Variants in TPH2 observed in about 807,000 individuals in gnomAD.
TPH2 encodes tryptophan 5-hydroxylase 2.
Under a neutral mutation model 59.1 loss-of-function variants are expected in TPH2, and 27 were observed. The observed-to-expected ratio is 0.46, with a 90% CI of 0.34 to 0.63. The LOEUF is 0.63. Ranked by LOEUF, TPH2 falls within the 30% of genes least tolerant of loss-of-function variation. TPH2 has a pLI of 0.01. For synonymous variants in TPH2, 220 were observed against 210.5 expected, an observed-to-expected ratio of 1.05 and a Z score of -0.39; for missense variants, 523 against 588.3, an observed-to-expected ratio of 0.89 and a Z score of 1.15.
chr12:72,023,690 A>G (rs1282696706), intron 9 of TPH2, among the ~76,000 whole-genome samples: 1 of 151,860 alleles, frequency 6.6e-6, no homozygotes, highest in Non-Finnish European at 1.5e-5. Context: ...TTAGCTAGGC[A>G]TGATGGCGGG....
intron 5 of TPH2, among the ~76,000 whole-genome samples, chr12:71,968,249 T>A (rs1871871493): frequency 6.6e-6 from 1 of 152,236 alleles, no homozygotes; most frequent in Non-Finnish European, 1.5e-5. Flanking sequence ...CCCTTGGCCT[T>A]GTCAGTGACA....
chr12:71,939,012 C>G lies in TPH2; in HGVS notation c.26C>G (p.Ser9Cys). ...ATGCAGCCAGCAATGATGATGTTTT[C>G]CAGTAAATACTGGGCACGGAGAGGG... MQPAMMMF[S>C]SKYWARRGFS... The change falls in exon 1 of 11, where the codon TCC becomes TGC. Residue 9 changes from serine to cysteine, a missense_variant. Physicochemically the swap from Ser to Cys is moderately radical, Grantham distance 112. Transcript: ENST00000333850. The G allele has an allele frequency of 6.2e-7, 1 of 1,614,122 alleles. No individual in the cohort carries two copies.
chr12:72,026,988 A>G (rs985357717), intron 9 of TPH2, among the ~76,000 whole-genome samples: 6 of 151,998 alleles, frequency 3.9e-5, no homozygotes, highest in Non-Finnish European at 7.4e-5. Context: ...ATGTGAGTGT[A>G]AAGTGTTTGC....
At chr12:71,959,461 G>C (rs865842001) in intron 5 of TPH2, among the ~76,000 whole-genome samples, 2 of 152,210 alleles carry the variant, frequency 1.3e-5, no homozygotes, top group Admixed American at 1.3e-4. Context: ...GTTTAGCTTT[G>C]TGTCTGAGCT....
intron 8 of TPH2, among the ~76,000 whole-genome samples, chr12:72,021,562 G>T (rs1339860532): frequency 1.3e-5 from 2 of 151,982 alleles, no homozygotes; most frequent in African/African-American, 4.8e-5. Flanking sequence ...AATAGGCTTT[G>T]TGTTAGATGA....
At position 71,941,561 on chromosome 12, in the gene TPH2, A is replaced by C. The variant is rs761037423; in HGVS notation, c.106-23A>C. 2.4e-5 allele frequency: 39 copies of C among 1,611,300 alleles called. 1 individual carries two copies. In the South Asian group the frequency reaches 4.2e-4, roughly 17 times the overall value. On this transcript the variant is annotated intron_variant, in intron 1 of 10. Coordinates refer to ENST00000333850, the MANE Select transcript of TPH2 (RefSeq NM_173353.4). Reference sequence around the variant, plus strand: ...GGAACCCTAACTAATATTTTGTTTTATTATGCTTCGACATTCCTGAAGCTA... The same window carrying C: ...GGAACCCTAACTAATATTTTGTTTTCTTATGCTTCGACATTCCTGAAGCTA...
At chr12:71,956,532 TTTCCCTCCTTCCCTCC>T (rs1181403934) in intron 5 of TPH2, among the ~76,000 whole-genome samples, 1 of 122,106 alleles carries the variant, frequency 8.2e-6, no homozygotes, top group African/African-American at 3.1e-5. Flanking sequence ...TCCCTCCTTC[TTTCCCTCCTTCCCTCC>T]TTCCCTCCTT....
chr12:71,964,491 A>AAT (rs377526123), intron 5 of TPH2: 557 of 947,592 alleles, frequency 5.9e-4, no homozygotes, highest in South Asian at 6.8e-4. Flanking sequence ...GTTGATGCAG[A>AAT]ATATATATAT....
chr12:71,956,436 C>A (rs975709829), intron 5 of TPH2, among the ~76,000 whole-genome samples: 1 of 145,900 alleles, frequency 6.9e-6, no homozygotes, highest in African/African-American at 2.6e-5. Context: ...CCCTCCCTCC[C>A]TTCCTCCCTT....
chr12:72,031,946 CT>C lies in TPH2; in HGVS notation c.*253del. ...ATCTTAAAAAGATTTGACATTCCTG[CT>C]TAGTGTCCTTAACCAAACTGCATCT... On this transcript the variant is annotated 3_prime_UTR_variant, in exon 11 of 11. Coordinates refer to ENST00000333850, the MANE Select transcript of TPH2 (RefSeq NM_173353.4). 2.0e-6 allele frequency: 1 copy of C among 494,252 alleles called. No homozygotes were observed. Among genetic ancestry groups the C allele is most frequent in the Non-Finnish European group, 3.7e-6 (1 of 272,164 alleles). 30.6% of individuals were successfully genotyped at this position (494,252 alleles called of 1,614,324 possible). A position where few individuals can be genotyped will look rare whatever the true frequency, so the allele number is the denominator to read the frequency against.
At position 71,979,068 on chromosome 12, in the gene TPH2, C is replaced by G; in HGVS notation, c.922C>G (p.Pro308Ala). ...CCAGTACATCCGGCATGGCTCAGAT[C>G]CCCTCTACACCCCAGAACCGTGAGT... ...CTQYIRHGSD[P>A]LYTPEPDTCH... Residue 308 changes from proline (P) to alanine (A), a missense_variant, in exon 7 of 11, where the codon CCC (proline) becomes GCC (alanine). Pro to Ala is a conservative substitution (Grantham distance 27). Coordinates refer to ENST00000333850, the MANE Select transcript of TPH2 (RefSeq NM_173353.4). The G allele has an allele frequency of 6.2e-7, 1 of 1,614,124 alleles. No individual in the cohort carries two copies. Among genetic ancestry groups the G allele is most frequent in the Non-Finnish European group, 8.5e-7 (1 of 1,180,010 alleles).
intron 7 of TPH2, among the ~76,000 whole-genome samples, chr12:71,982,488 C>T (rs1245159248): frequency 6.6e-6 from 1 of 152,152 alleles, no homozygotes; most frequent in Non-Finnish European, 1.5e-5. Context: ...ACTATGCAGA[C>T]AAAATTCTCT....
intron 7 of TPH2, among the ~76,000 whole-genome samples, chr12:71,992,193 GC>G (rs1872591085): frequency 1.3e-5 from 2 of 152,114 alleles, no homozygotes; most frequent in South Asian, 4.2e-4. Context: ...AGCTATGTAC[GC>G]CCCAGCCCCT....
intron 6 of TPH2, 108 bp from the exon 7 acceptor site, chr12:71,978,844 T>A (rs1872191937): frequency 7.0e-7 from 1 of 1,420,240 alleles, no homozygotes; most frequent in African/African-American, 1.4e-5. Flanking sequence ...GTTTATGACC[T>A]TGATTACTTT....
At position 71,961,078 on chromosome 12, in the gene TPH2, G is replaced by A. The variant is rs1871667397; in HGVS notation, c.608+11423G>A. Among the ~76,000 whole-genome samples the A allele has an allele frequency of 2.0e-5, 3 of 152,278 alleles. No homozygotes were observed. The South Asian group carries it at 6.2e-4, about 32-fold the overall frequency. On this transcript the variant is annotated intron_variant, in intron 5 of 10. Coordinates refer to ENST00000333850, the MANE Select transcript of TPH2 (RefSeq NM_173353.4). ...CCTCAGTTTCGAATGAGGAAACGGA[G>A]GCCAAACCTTGATGCTAGGTACATA...
chr12:71,963,808 CAA>C (rs1174520030), intron 5 of TPH2, among the ~76,000 whole-genome samples: 163 of 14,462 alleles, frequency 0.011, 51 homozygotes, highest in East Asian at 0.1. Flanking sequence ...GATTCTGTCT[CAA>C]AAAAAAAAAA....
At chr12:71,953,981 A>G (rs772636207) in intron 5 of TPH2, among the ~76,000 whole-genome samples, 62 of 152,284 alleles carry the variant, frequency 4.1e-4, no homozygotes, top group Middle Eastern at 3.4e-3. Flanking sequence ...ACAGAATAAT[A>G]TATATTGAAA....
chr12:71,958,542 G>A (rs1386495), intron 5 of TPH2, among the ~76,000 whole-genome samples: 117,867 of 152,138 alleles, frequency 0.77, 46,988 homozygotes, highest in East Asian at 0.94. Context: ...AACCAGTCCT[G>A]TGACACTGCA....
chr12:71,940,999 A>C (rs534358844), intron 1 of TPH2, among the ~76,000 whole-genome samples: 1 of 152,160 alleles, frequency 6.6e-6, no homozygotes, highest in Admixed American at 6.6e-5. Flanking sequence ...TTAGTTATAC[A>C]TGTGTCTGTG....
Sources: allele counts gnomAD v4.1 joint callset (sites outside exome capture counted in the v4.1 genomes callset), GRCh38; gene constraint gnomAD v4.1.1; transcripts MANE v1.5; gene names NCBI Gene and HGNC (gene_info 2026-07-23, HGNC 2026-07-21).